The following MDGA2 variants were observed in gnomAD, a reference collection of about 807,000 sequenced individuals.
MDGA2 encodes the protein MAM domain containing glycosylphosphatidylinositol anchor 2.
Under a neutral mutation model 117.8 loss-of-function variants are expected in MDGA2, and 40 were observed. The ratio of observed to expected loss-of-function variants is 0.34; its 90% confidence interval spans 0.26 to 0.44. The LOEUF (loss-of-function observed/expected upper bound fraction) is 0.44. Ranked by LOEUF, MDGA2 falls within the 20% of genes least tolerant of loss-of-function variation. MDGA2 has a pLI of 1.00. For synonymous variants in MDGA2, 452 were observed against 439.0 expected, an observed-to-expected ratio of 1.03 and a Z score of -0.37; for missense variants, 1,123 against 1,250.6, an observed-to-expected ratio of 0.90 and a Z score of 1.54.
chr14:46,967,050 A>C (rs916108565), intron 8 of MDGA2, among the ~76,000 whole-genome samples: 2 of 140,270 alleles, frequency 1.4e-5, no homozygotes, highest in Non-Finnish European at 3.2e-5. Context: ...TTTTAATTTT[A>C]AAAACAATAA....
intron 10 of MDGA2, among the ~76,000 whole-genome samples, chr14:46,885,046 C>T (rs541804661): frequency 1.3e-5 from 2 of 152,072 alleles, no homozygotes; most frequent in Admixed American, 1.3e-4. Flanking sequence ...CAGGGTTACA[C>T]CATGTTGGCC....
chr14:47,315,787 A>G (rs961019853), intron 1 of MDGA2, among the ~76,000 whole-genome samples: 1 of 152,134 alleles, frequency 6.6e-6, no homozygotes, highest in Non-Finnish European at 1.5e-5. Flanking sequence ...CAATTTTACA[A>G]TATCAACATA....
At chr14:47,636,278 T>C (rs930193940) in intron 1 of MDGA2, among the ~76,000 whole-genome samples, 16 of 152,214 alleles carry the variant, frequency 1.1e-4, no homozygotes, top group African/African-American at 3.4e-4. Context: ...AATTTTACTA[T>C]TAAAAGCAAC....
intron 1 of MDGA2, among the ~76,000 whole-genome samples, chr14:47,622,454 G>A (rs1897066792): frequency 6.6e-6 from 1 of 152,192 alleles, no homozygotes; most frequent in Non-Finnish European, 1.5e-5. Flanking sequence ...CTTGGATCAA[G>A]GACATTTTCC....
chr14:47,147,930 C>T lies in MDGA2; in HGVS notation c.596-3656G>A, dbSNP rs929208820. On this transcript the variant is annotated intron_variant, in intron 3 of 16. Coordinates refer to ENST00000399232, the MANE Select transcript of MDGA2 (RefSeq NM_001113498.3). ...TACTAGAATTTTGTCAGATTTGAGC[C>T]CTTGATCATAATATCTTCTCAAACC... Among the ~76,000 whole-genome samples the T allele has an allele frequency of 6.6e-5, 10 of 152,184 alleles. No individual in the cohort carries two copies. The East Asian group carries it at 1.7e-3, about 26-fold the overall frequency.
At chr14:47,095,148 A>T (rs1311546419) in intron 6 of MDGA2, among the ~76,000 whole-genome samples, 1 of 152,068 alleles carries the variant, frequency 6.6e-6, no homozygotes, top group African/African-American at 2.4e-5. Context: ...GAAGTTCATT[A>T]AACAATTGAA....
chr14:47,390,251 A>G (rs75682477), intron 1 of MDGA2, among the ~76,000 whole-genome samples: 22,156 of 152,156 alleles, frequency 0.15, 1,915 homozygotes, highest in Admixed American at 0.24. Flanking sequence ...TCTCTTTGCA[A>G]TATATGTAAC....
intron 1 of MDGA2, among the ~76,000 whole-genome samples, chr14:47,490,275 T>G (rs1894142328): frequency 6.6e-6 from 1 of 152,146 alleles, no homozygotes; most frequent in Admixed American, 6.6e-5. Context: ...GCAGAAAAGT[T>G]GAACTCTACT....
intron 1 of MDGA2, among the ~76,000 whole-genome samples, chr14:47,468,287 G>A (rs1157291289): frequency 6.6e-6 from 1 of 152,122 alleles, no homozygotes; most frequent in African/African-American, 2.4e-5. Context: ...AAAGAGTAAT[G>A]AATAGATTTC....
chr14:47,021,699 T>C (rs1208602049), intron 8 of MDGA2, among the ~76,000 whole-genome samples: 1 of 152,128 alleles, frequency 6.6e-6, no homozygotes, highest in African/African-American at 2.4e-5. Flanking sequence ...ATTATATAAA[T>C]CAGAAAATTT....
chr14:47,425,524 C>T (rs1329762055), intron 1 of MDGA2, among the ~76,000 whole-genome samples: 2 of 152,022 alleles, frequency 1.3e-5, no homozygotes, highest in African/African-American at 2.4e-5. Context: ...CGCACACACG[C>T]GCACACAGAG....
chr14:47,498,671 G>T (rs749974770), intron 1 of MDGA2, among the ~76,000 whole-genome samples: 2 of 151,960 alleles, frequency 1.3e-5, no homozygotes, highest in Non-Finnish European at 2.9e-5. Flanking sequence ...AATTGTTATC[G>T]AATGCACTGG....
At chr14:46,887,643 G>A (rs1303249234) in intron 10 of MDGA2, among the ~76,000 whole-genome samples, 1 of 151,814 alleles carries the variant, frequency 6.6e-6, no homozygotes, top group Non-Finnish European at 1.5e-5. Flanking sequence ...TCCACAGAAA[G>A]CACTTATCTT....
intron 1 of MDGA2, among the ~76,000 whole-genome samples, chr14:47,309,618 T>C (rs956369991): frequency 6.6e-6 from 1 of 152,108 alleles, no homozygotes; most frequent in Non-Finnish European, 1.5e-5. Context: ...TCCAGAAGCT[T>C]CTGGCTTCAG....
At chr14:47,580,826 G>A (rs1358461754) in intron 1 of MDGA2, among the ~76,000 whole-genome samples, 4 of 151,882 alleles carry the variant, frequency 2.6e-5, no homozygotes, top group African/African-American at 9.7e-5. Context: ...ATAACATGCT[G>A]CCTGTTTCCT....
chr14:47,588,685 C>A (rs1244489331), intron 1 of MDGA2, among the ~76,000 whole-genome samples: 1 of 151,844 alleles, frequency 6.6e-6, no homozygotes, highest in Non-Finnish European at 1.5e-5. Context: ...GTTGTCCTTT[C>A]ACTCGCTTGA....
At chr14:47,594,814 G>A (rs1289365154) in intron 1 of MDGA2, among the ~76,000 whole-genome samples, 1 of 152,196 alleles carries the variant, frequency 6.6e-6, no homozygotes, top group Non-Finnish European at 1.5e-5. Context: ...CTAGATGCTG[G>A]TGATCAAATG....
At chr14:47,061,722 G>A in intron 6 of MDGA2, 144 bp from the exon 7 acceptor site, 1 of 666,536 alleles carries the variant, frequency 1.5e-6, no homozygotes, top group Non-Finnish European at 2.4e-6. Flanking sequence ...CAAGTTGTGT[G>A]TACATCAAAA....
downstream of MDGA2, among the ~76,000 whole-genome samples, chr14:46,839,749 T>C (rs1168980805): frequency 1.3e-5 from 2 of 152,006 alleles, no homozygotes; most frequent in African/African-American, 2.4e-5. Flanking sequence ...AAATAAGTTA[T>C]GAAACTCATT....
Sources: allele counts gnomAD v4.1 joint callset (sites outside exome capture counted in the v4.1 genomes callset), GRCh38; gene constraint gnomAD v4.1.1; transcripts MANE v1.5; gene names NCBI Gene and HGNC (gene_info 2026-07-23, HGNC 2026-07-21).